The following CRTAP variants were observed in gnomAD, a reference collection of about 807,000 sequenced individuals.
CRTAP encodes the protein cartilage-associated protein.
CRTAP carries 33 observed loss-of-function variants against 42.7 expected under a neutral mutation model. The observed-to-expected ratio is 0.77, with a 90% CI of 0.59 to 1.03. The LOEUF (loss-of-function observed/expected upper bound fraction) is 1.03, where lower values mean the gene tolerates loss of function less well. Ranked by LOEUF, CRTAP falls within the 50% of genes least tolerant of loss-of-function variation. CRTAP has a pLI of 0.00. For missense variants in CRTAP, 613 were observed against 533.9 expected (o/e 1.15, Z -1.46); for synonymous variants, 243 against 217.7 (o/e 1.12, Z -1.02).
chr3:33,129,899 A>G (rs200208631), intron 3 of CRTAP, 40 bp from the exon 4 acceptor site: 2 of 1,591,422 alleles, frequency 1.3e-6, no homozygotes, highest in East Asian at 2.2e-5. Context: ...TAAGAAAGTA[A>G]TGGATCCACT....
intron 2 of CRTAP, among the ~76,000 whole-genome samples, chr3:33,122,995 G>C (rs188272225): frequency 2.5e-4 from 38 of 151,302 alleles, no homozygotes; most frequent in African/African-American, 8.2e-4. Context: ...ATGAAGTCTC[G>C]CCCTGTTGCC....
At chr3:33,130,153 G>A (rs1043045396) in intron 4 of CRTAP, 86 bp downstream of exon 4, 1 of 1,396,528 alleles carries the variant, frequency 7.2e-7, no homozygotes. Context: ...AGCTACGGTT[G>A]TTGAGAGTTC....
Position 33,120,387 on chromosome 3 carries a change from TA to T in CRTAP, c.516del (p.Leu173Ter). The T allele has an allele frequency of 6.2e-7, 1 of 1,614,210 alleles. No homozygotes were observed. Among genetic ancestry groups the T allele is most frequent in the Non-Finnish European group, 8.5e-7 (1 of 1,180,000 alleles). ...PKAIAAAHTF[L>X]LKHPDDEMMK... is the part of the protein sequence containing the mutation. The stretch of plus-strand genomic sequence containing the variant: ...GCCATCGCCGCTGCTCACACCTTTC[TA>T]CTGAAGCATCCTGATGACGAAATGA... On this transcript the variant is annotated frameshift_variant, in exon 2 of 7. Coordinates refer to ENST00000320954, the MANE Select transcript of CRTAP (RefSeq NM_006371.5). LOFTEE classifies it high-confidence loss of function.
chr3:33,117,499 A>G (rs1484055840), intron 1 of CRTAP, among the ~76,000 whole-genome samples: 1 of 152,148 alleles, frequency 6.6e-6, no homozygotes, highest in Non-Finnish European at 1.5e-5. Flanking sequence ...CACAATTACC[A>G]TCTTCCACGA....
intron 3 of CRTAP, among the ~76,000 whole-genome samples, chr3:33,125,222 AC>A: frequency 6.6e-6 from 1 of 152,144 alleles, no homozygotes; most frequent in East Asian, 1.9e-4. Flanking sequence ...TGATCCTAGA[AC>A]TGTGCCTTCC....
rs771317254 is a variant in CRTAP at position 33,147,096 on chromosome 3, G to A, written c.*4648G>A. On this transcript the variant is annotated 3_prime_UTR_variant, in exon 7 of 7. Coordinates refer to ENST00000320954, the MANE Select transcript of CRTAP (RefSeq NM_006371.5). ...AAACAGTGACTTCTTTTTTTCTGGT[G>A]ACTCCAGGCCTGAATGACCTAGTGT... The A allele has an allele frequency of 2.0e-5, 3 of 152,612 alleles. No homozygotes were observed. The highest frequency in any genetic ancestry group is 4.4e-5 in the Non-Finnish European group (3 of 68,052). The allele number at this position is 152,612 out of a possible 1,614,324, so 9.5% of individuals were successfully genotyped here.
intron 6 of CRTAP, among the ~76,000 whole-genome samples, chr3:33,136,776 A>T (rs773932040): frequency 2.0e-5 from 3 of 152,182 alleles, no homozygotes; most frequent in African/African-American, 7.2e-5. Flanking sequence ...ACTTATTATC[A>T]TGAGGACAGC....
intron 1 of CRTAP, among the ~76,000 whole-genome samples, chr3:33,118,574 A>G (rs186209240): frequency 1.2e-4 from 18 of 152,346 alleles, no homozygotes; most frequent in Admixed American, 1.2e-3. Flanking sequence ...CGGTACCGAT[A>G]TATGCCATCC....
In CRTAP at chr3:33,142,460, C is replaced by G; in HGVS notation, c.*12C>G. ...AGGAGACCAGCTAGCCCACAGCAAC[C>G]AAAGAGACTTCCTCTTGGCGTTCAG... On this transcript the variant is annotated 3_prime_UTR_variant, in exon 7 of 7. Coordinates refer to ENST00000320954, the MANE Select transcript of CRTAP (RefSeq NM_006371.5). 6.2e-6 allele frequency: 10 copies of G among 1,613,524 alleles called. No individual in the cohort carries two copies. In the South Asian group the frequency reaches 9.9e-5, roughly 16 times the overall value.
intron 6 of CRTAP, among the ~76,000 whole-genome samples, 173 bp from the exon 7 acceptor site, chr3:33,142,222 G>A (rs1012760064): frequency 6.6e-6 from 1 of 152,134 alleles, no homozygotes; most frequent in African/African-American, 2.4e-5. Flanking sequence ...AGTGGAAGCC[G>A]AGGTCCCCTC....
At position 33,143,213 on chromosome 3, in the gene CRTAP, C is replaced by G. The variant is rs2125608029; in HGVS notation, c.*765C>G. 6.6e-6 allele frequency: 1 copy of G among 152,356 alleles called. No homozygotes were observed. The highest frequency in any genetic ancestry group is 1.5e-5 in the Non-Finnish European group (1 of 68,050). The allele number at this position is 152,356 out of a possible 1,614,324, so 9.4% of individuals were successfully genotyped here. On this transcript the variant is annotated 3_prime_UTR_variant, in exon 7 of 7. Transcript: ENST00000320954. The stretch of plus-strand genomic sequence containing the variant: ...CTTATTTGCTTTTCCAGATTTTAGT[C>G]TCCTTTCTCCCCATCCGGGAAAGAT...
chr3:33,137,285 G>A (rs553868784), intron 6 of CRTAP, among the ~76,000 whole-genome samples: 19 of 152,140 alleles, frequency 1.2e-4, no homozygotes, highest in South Asian at 4.2e-4. Flanking sequence ...GATTACAGGC[G>A]CGCACCACCA....
At chr3:33,123,853 T>G (rs2029976263) in intron 2 of CRTAP, among the ~76,000 whole-genome samples, 1 of 152,076 alleles carries the variant, frequency 6.6e-6, no homozygotes, top group Non-Finnish European at 1.5e-5. Context: ...AGGTATTTCT[T>G]TATAGCAATG....
rs999499663 is a variant in CRTAP, at chr3:33,114,205, C to A, written c.128C>A (p.Pro43Gln). Residue 43 changes from proline to glutamine, a missense_variant, in exon 1 of 7, where the codon CCG becomes CAG. By Grantham distance (76) the Pro-to-Gln change is moderately conservative. Coordinates refer to ENST00000320954, the MANE Select transcript of CRTAP (RefSeq NM_006371.5). The stretch of plus-strand genomic sequence containing the variant: ...AGCTTCCCACGGGACGAGCTGATGC[C>A]GCTCGAGTCGGCCTACCGGCACGCG... ...FRSFPRDELM[P>Q]LESAYRHALD... 11 of 1,593,970 alleles carry A rather than the reference C, an allele frequency of 6.9e-6. No homozygotes were observed. Among genetic ancestry groups the A allele is most frequent in the Non-Finnish European group, 9.4e-6 (11 of 1,176,370 alleles).
chr3:33,141,071 T>C (rs1484181801), intron 6 of CRTAP, among the ~76,000 whole-genome samples: 1 of 152,196 alleles, frequency 6.6e-6, no homozygotes, highest in Admixed American at 6.5e-5. Context: ...CTGCTAGCCA[T>C]TAGCAAGCAG....
chr3:33,142,670 T>C lies in CRTAP; in HGVS notation c.*222T>C, dbSNP rs1320186116. On this transcript the variant is annotated 3_prime_UTR_variant, in exon 7 of 7. Coordinates refer to ENST00000320954, the MANE Select transcript of CRTAP (RefSeq NM_006371.5). ...TCACACCTATCTTTCTCACCTTTTT[T>C]TTGAGATGGAGTCTCGCTCTCTTGC... The C allele has an allele frequency of 9.4e-6, 5 of 529,762 alleles. No individual in the cohort carries two copies. In the East Asian group the frequency reaches 1.3e-4, roughly 14 times the overall value. The allele number at this position is 529,762 out of a possible 1,614,324, so 32.8% of individuals were successfully genotyped here.
intron 4 of CRTAP, among the ~76,000 whole-genome samples, chr3:33,131,391 C>T (rs1173167304): frequency 6.6e-5 from 10 of 152,256 alleles, no homozygotes; most frequent in African/African-American, 2.4e-4. Flanking sequence ...GGTCTTCTAG[C>T]TCACTGAGCA....
chr3:33,140,491 T>C (rs2030543191), intron 6 of CRTAP, among the ~76,000 whole-genome samples: 1 of 152,218 alleles, frequency 6.6e-6, no homozygotes, highest in Admixed American at 6.5e-5. Context: ...AAATTCTTAG[T>C]TAGTCCTTCC....
chr3:33,133,257 CTCTCT>C (rs1220429974), intron 5 of CRTAP, among the ~76,000 whole-genome samples: 2 of 123,138 alleles, frequency 1.6e-5, no homozygotes, highest in Non-Finnish European at 3.2e-5. Flanking sequence ...CACCTTCTCT[CTCTCT>C]TTTTTTTTTT....
Sources: allele counts gnomAD v4.1 joint callset (sites outside exome capture counted in the v4.1 genomes callset), GRCh38; gene constraint gnomAD v4.1.1; transcripts MANE v1.5; gene names NCBI Gene and HGNC (gene_info 2026-07-23, HGNC 2026-07-21).